HS3ST2: variants seen among roughly 807,000 people sequenced by gnomAD.
HS3ST2 encodes the protein heparan sulfate glucosamine 3-O-sulfotransferase 2.
In HS3ST2, 17 loss-of-function variants were observed where a neutral mutation model predicts 26.3. That is an observed-to-expected ratio of 0.65 (90% confidence interval 0.44 to 0.97). The LOEUF (loss-of-function observed/expected upper bound fraction) is 0.97, where lower values mean the gene tolerates loss of function less well. Ranked by LOEUF, HS3ST2 falls within the 50% of genes least tolerant of loss-of-function variation. HS3ST2 has a pLI of 0.00. For synonymous variants in HS3ST2, 237 were observed against 219.2 expected, an observed-to-expected ratio of 1.08 and a Z score of -0.72; for missense variants, 402 against 501.2, an observed-to-expected ratio of 0.80 and a Z score of 1.89.
chr16:22,872,508 G>A (rs1901851866), intron 1 of HS3ST2, among the ~76,000 whole-genome samples: 1 of 152,138 alleles, frequency 6.6e-6, no homozygotes, highest in South Asian at 2.1e-4. Context: ...AGAAAAATGA[G>A]GAAATTGGGC....
intron 1 of HS3ST2, among the ~76,000 whole-genome samples, chr16:22,905,459 C>A (rs539153555): frequency 3.3e-5 from 5 of 150,470 alleles, no homozygotes; most frequent in Admixed American, 6.6e-5. Flanking sequence ...GAAGGGGCTG[C>A]AGGAAGTCTG....
intron 1 of HS3ST2, among the ~76,000 whole-genome samples, chr16:22,869,695 G>A (rs142202903): frequency 2.8e-4 from 43 of 152,272 alleles, no homozygotes; most frequent in Admixed American, 5.2e-4. Flanking sequence ...AAGACCCGCC[G>A]CCATAATTCA....
At chr16:22,893,627 T>C (rs572863449) in intron 1 of HS3ST2, among the ~76,000 whole-genome samples, 1 of 103,096 alleles carries the variant, frequency 9.7e-6, no homozygotes, top group South Asian at 4.2e-4. Flanking sequence ...TTTTCTTTTT[T>C]TCTTTTCTTT....
chr16:22,894,662 C>T (rs1272466907), intron 1 of HS3ST2, among the ~76,000 whole-genome samples: 1 of 151,792 alleles, frequency 6.6e-6, no homozygotes, highest in Non-Finnish European at 1.5e-5. Flanking sequence ...ACTTTGGGAG[C>T]CCAAGGTGGG....
chr16:22,893,180 G>GGC (rs1267315463), intron 1 of HS3ST2, among the ~76,000 whole-genome samples: 4 of 152,066 alleles, frequency 2.6e-5, no homozygotes, highest in Admixed American at 2.0e-4. Context: ...CAGTACCTTG[G>GGC]GTCTTTGGGC....
chr16:22,890,305 AT>A (rs35583876), intron 1 of HS3ST2, among the ~76,000 whole-genome samples: 48,496 of 151,962 alleles, frequency 0.32, 9,565 homozygotes, highest in East Asian at 0.47. Flanking sequence ...GCATTGCTTT[AT>A]TTTTTTCTCT....
At chr16:22,878,203 G>A (rs1455922306) in intron 1 of HS3ST2, among the ~76,000 whole-genome samples, 3 of 152,178 alleles carry the variant, frequency 2.0e-5, no homozygotes, top group Non-Finnish European at 2.9e-5. Flanking sequence ...CATTCATGTA[G>A]CCCCTTAGTG....
intron 1 of HS3ST2, among the ~76,000 whole-genome samples, chr16:22,834,348 C>T (rs1901219746): frequency 6.6e-6 from 1 of 152,098 alleles, no homozygotes; most frequent in Admixed American, 6.5e-5. Flanking sequence ...CTATTCATAT[C>T]AGTACATATA....
chr16:22,828,632 G>A (rs1434165712), intron 1 of HS3ST2, among the ~76,000 whole-genome samples: 5 of 152,304 alleles, frequency 3.3e-5, no homozygotes, highest in East Asian at 1.9e-4. Flanking sequence ...TTGCTCAGGC[G>A]AGATGGCTTA....
chr16:22,888,056 C>T (rs1422772945), intron 1 of HS3ST2, among the ~76,000 whole-genome samples: 2 of 152,240 alleles, frequency 1.3e-5, no homozygotes, highest in Admixed American at 1.3e-4. Flanking sequence ...CCTTCCAGAG[C>T]TCCCAGTGGG....
chr16:22,856,723 T>C (rs1901600791), intron 1 of HS3ST2, among the ~76,000 whole-genome samples: 1 of 152,094 alleles, frequency 6.6e-6, no homozygotes, highest in Non-Finnish European at 1.5e-5. Flanking sequence ...ATGTGTCCAT[T>C]TGGCCGTGAC....
chr16:22,851,893 C>T (rs892666110), intron 1 of HS3ST2, among the ~76,000 whole-genome samples: 1 of 152,098 alleles, frequency 6.6e-6, no homozygotes, highest in African/African-American at 2.4e-5. Context: ...TTGAAATGTG[C>T]TTATGGGGTT....
chr16:22,907,667 C>T lies in HS3ST2; in HGVS notation c.486-7277C>T, dbSNP rs556921054. Among the ~76,000 whole-genome samples, 10 of 152,284 alleles carry T rather than the reference C, an allele frequency of 6.6e-5. No individual in the cohort carries two copies. The South Asian group carries it at 1.5e-3, about 22-fold the overall frequency. On this transcript the variant is annotated intron_variant, in intron 1 of 1. Transcript: ENST00000261374. ...AGAGAAAGAAAGAAATTTGCAAAAG[C>T]GGAGGAAAATGTTCAATTGTTGAAG...
intron 1 of HS3ST2, among the ~76,000 whole-genome samples, chr16:22,850,645 G>A (rs1685986435): frequency 2.0e-5 from 3 of 152,126 alleles, no homozygotes; most frequent in Non-Finnish European, 2.9e-5. Context: ...AAATTAGCGA[G>A]GTGTGGTGGA....
intron 1 of HS3ST2, among the ~76,000 whole-genome samples, chr16:22,839,568 T>C (rs1901322470): frequency 6.6e-6 from 1 of 152,156 alleles, no homozygotes; most frequent in Admixed American, 6.5e-5. Flanking sequence ...CTTTCCTGGG[T>C]AGCAGTAACT....
chr16:22,911,302 G>C (rs544678239), intron 1 of HS3ST2, among the ~76,000 whole-genome samples: 4 of 152,178 alleles, frequency 2.6e-5, no homozygotes, highest in Non-Finnish European at 5.9e-5. Flanking sequence ...CTATTGAAAT[G>C]ATTGTTCATT....
chr16:22,884,770 C>T (rs1255590296), intron 1 of HS3ST2, among the ~76,000 whole-genome samples: 2 of 149,440 alleles, frequency 1.3e-5, no homozygotes, highest in Non-Finnish European at 3.0e-5. Context: ...TTGACCATCA[C>T]TCCTTTTGAC....
chr16:22,858,811 G>A (rs1567489767), intron 1 of HS3ST2, among the ~76,000 whole-genome samples: 1 of 152,114 alleles, frequency 6.6e-6, no homozygotes, highest in Non-Finnish European at 1.5e-5. Context: ...GGTATGGATT[G>A]CAAAGTACTA....
chr16:22,848,528 T>A (rs201851323), intron 1 of HS3ST2, among the ~76,000 whole-genome samples: 14 of 148,052 alleles, frequency 9.5e-5, no homozygotes, highest in South Asian at 4.3e-4. Flanking sequence ...AGCATTTTTT[T>A]AAAAAGCCTC....
Sources: gnomAD v4.1 joint callset for allele counts (sites outside exome capture counted in the v4.1 genomes callset) on GRCh38, gnomAD v4.1.1 for gene constraint, MANE v1.5 for transcripts, NCBI Gene and HGNC (gene_info 2026-07-23, HGNC 2026-07-21) for gene names.